PACSIN2: variants seen among roughly 807,000 people sequenced by gnomAD.
PACSIN2 encodes protein kinase C and casein kinase substrate in neurons 2, also known as protein kinase C and casein kinase substrate in neurons protein 2.
PACSIN2 carries 25 observed loss-of-function variants against 63.8 expected under a neutral mutation model. The ratio of observed to expected loss-of-function variants is 0.39; its 90% CI spans 0.29 to 0.55. The LOEUF is 0.55. PACSIN2 is among the 20% of genes least tolerant of loss of function. The probability of loss-of-function intolerance (pLI) is 0.62; values close to 1 mark genes in which losing one functional copy is unlikely to be tolerated. For missense variants in PACSIN2, 518 were observed against 646.9 expected, an observed-to-expected ratio of 0.80 and a Z score of 2.16; for synonymous variants, 255 against 256.2, an observed-to-expected ratio of 1.00 and a Z score of 0.05.
intron 1 of PACSIN2, chr22:42,946,963 G>T (rs1162444121): frequency 6.6e-6 from 1 of 152,182 alleles, no homozygotes; most frequent in African/African-American, 2.4e-5. Flanking sequence ...CAGTCTTCAG[G>T]ATCATGCCAG....
At chr22:43,008,290 G>A (rs1307158678) in intron 1 of PACSIN2, among the ~76,000 whole-genome samples, 7 of 151,630 alleles carry the variant, frequency 4.6e-5, no homozygotes, top group African/African-American at 7.3e-5. Context: ...TCACTCTGTC[G>A]CCCAGGCTGG....
At chr22:42,989,502 CAA>C (rs11340150) in intron 1 of PACSIN2, among the ~76,000 whole-genome samples, 33 of 139,402 alleles carry the variant, frequency 2.4e-4, no homozygotes, top group Admixed American at 5.7e-4. Context: ...CCATCCCCCT[CAA>C]AAAAAAAAAA....
intron 1 of PACSIN2, among the ~76,000 whole-genome samples, chr22:42,956,160 A>G (rs187475889): frequency 6.6e-6 from 1 of 152,354 alleles, no homozygotes; most frequent in East Asian, 1.9e-4. Context: ...CACCCTTCAC[A>G]TTAACAAAAA....
chr22:42,961,152 G>A (rs949910804), intron 1 of PACSIN2, among the ~76,000 whole-genome samples: 4 of 152,214 alleles, frequency 2.6e-5, no homozygotes, highest in Non-Finnish European at 4.4e-5. Flanking sequence ...ACTGCAAGGG[G>A]AAACTGTGCT....
At chr22:42,994,463 A>T (rs1923262790) in intron 1 of PACSIN2, among the ~76,000 whole-genome samples, 1 of 152,230 alleles carries the variant, frequency 6.6e-6, no homozygotes, top group African/African-American at 2.4e-5. Context: ...CAGCCTGCAC[A>T]CCCAAGCTCT....
intron 1 of PACSIN2, among the ~76,000 whole-genome samples, chr22:42,912,944 G>A (rs1931558851): frequency 6.6e-6 from 1 of 152,226 alleles, no homozygotes; most frequent in African/African-American, 2.4e-5. Flanking sequence ...AGGAAGGGGT[G>A]AGACAGAATG....
At chr22:42,976,462 C>CTGGTTCACA (rs56276598) in intron 1 of PACSIN2, among the ~76,000 whole-genome samples, 2 of 151,910 alleles carry the variant, frequency 1.3e-5, no homozygotes, top group Non-Finnish European at 2.9e-5. Flanking sequence ...ACAGGATCAT[C>CTGGTTCACA]GATTTGAGGC....
chr22:42,928,938 TGAAAA>T (rs1286423605), intron 1 of PACSIN2, among the ~76,000 whole-genome samples: 1 of 152,206 alleles, frequency 6.6e-6, no homozygotes, highest in Non-Finnish European at 1.5e-5. Flanking sequence ...TACTTTCACA[TGAAAA>T]GAAGAGAGTG....
intron 1 of PACSIN2, among the ~76,000 whole-genome samples, chr22:42,921,705 T>C (rs1307173109): frequency 6.6e-6 from 1 of 151,444 alleles, no homozygotes; most frequent in Non-Finnish European, 1.5e-5. Context: ...AGCCAGAAAA[T>C]AGCTTTTCTA....
chr22:42,878,269 C>A (rs1928799425), intron 8 of PACSIN2, among the ~76,000 whole-genome samples: 1 of 152,228 alleles, frequency 6.6e-6, no homozygotes, highest in African/African-American at 2.4e-5. Context: ...GCCCACCTGC[C>A]CAGACAGCGT....
At chr22:42,997,450 T>C (rs1322134641) in intron 1 of PACSIN2, among the ~76,000 whole-genome samples, 5 of 150,028 alleles carry the variant, frequency 3.3e-5, no homozygotes, top group Non-Finnish European at 5.9e-5. Flanking sequence ...CCCAGCTACC[T>C]GGGAGGCTGA....
intron 1 of PACSIN2, among the ~76,000 whole-genome samples, chr22:42,928,724 G>T (rs1479069096): frequency 6.6e-6 from 1 of 152,074 alleles, no homozygotes; most frequent in East Asian, 1.9e-4. Context: ...CAAATTTAAG[G>T]AAAAATACAC....
chr22:42,918,350 C>T (rs927304236), intron 1 of PACSIN2, among the ~76,000 whole-genome samples: 1 of 152,234 alleles, frequency 6.6e-6, no homozygotes, highest in Non-Finnish European at 1.5e-5. Flanking sequence ...CCAAGCAAGA[C>T]TGCTCCACCT....
At chr22:42,955,944 A>G (rs912305129) in intron 1 of PACSIN2, among the ~76,000 whole-genome samples, 4 of 152,238 alleles carry the variant, frequency 2.6e-5, no homozygotes, top group African/African-American at 9.6e-5. Context: ...TTATTTTGTT[A>G]AACTAGCACT....
At chr22:42,921,207 A>G (rs1385137659) in intron 1 of PACSIN2, among the ~76,000 whole-genome samples, 2 of 151,880 alleles carry the variant, frequency 1.3e-5, no homozygotes, top group Admixed American at 6.6e-5. Flanking sequence ...AAAATACAAA[A>G]AGTTAGCCAG....
At position 42,876,198 on chromosome 22, in the gene PACSIN2, C is replaced by G; in HGVS notation, c.1287G>C (p.Val429=). The change falls in exon 10 of 11, where the codon GTG becomes GTC. Residue 429 remains valine, a synonymous_variant. Coordinates refer to ENST00000263246, the MANE Select transcript of PACSIN2 (RefSeq NM_001184970.3). ...FDDDATSGTE[V]RVRALYDYEG... The stretch of plus-strand genomic sequence containing the variant: ...CATAGTCATACAGGGCCCGGACTCG[C>G]ACTTCCGTCCCCGAGGTGGCGTCGT... 1 of 1,614,208 alleles carries G rather than the reference C, an allele frequency of 6.2e-7. No individual in the cohort carries two copies. Among genetic ancestry groups the G allele is most frequent in the African/African-American group, 1.3e-5 (1 of 75,044 alleles).
At chr22:42,998,863 A>G (rs1263629460) in intron 1 of PACSIN2, among the ~76,000 whole-genome samples, 2 of 152,140 alleles carry the variant, frequency 1.3e-5, no homozygotes, top group Non-Finnish European at 2.9e-5. Context: ...GAGAGAAGAG[A>G]GGAAGTCGAG....
chr22:43,010,383 T>C (rs1924385027), intron 1 of PACSIN2, among the ~76,000 whole-genome samples: 1 of 78,156 alleles, frequency 1.3e-5, no homozygotes, highest in Non-Finnish European at 2.2e-5. Flanking sequence ...TGTTTAAAAA[T>C]ACATATATAT....
chr22:42,955,418 C>T (rs1220643823), intron 1 of PACSIN2, among the ~76,000 whole-genome samples: 1 of 152,048 alleles, frequency 6.6e-6, no homozygotes, highest in Non-Finnish European at 1.5e-5. Context: ...CCAGAGCTCA[C>T]TCAGGTGCCT....
Sources: allele counts gnomAD v4.1 joint callset (sites outside exome capture counted in the v4.1 genomes callset), GRCh38; gene constraint gnomAD v4.1.1; transcripts MANE v1.5; gene names NCBI Gene and HGNC (gene_info 2026-07-23, HGNC 2026-07-21).